Variants in CNTNAP2 observed in about 807,000 individuals in gnomAD.
CNTNAP2 encodes contactin associated protein 2.
A neutral mutation model predicts 155.2 loss-of-function variants in CNTNAP2; 98 were observed. The ratio of observed to expected loss-of-function variants is 0.63; its 90% CI spans 0.54 to 0.75. The LOEUF (loss-of-function observed/expected upper bound fraction) is 0.75, where lower values mean the gene tolerates loss of function less well. CNTNAP2 is among the 30% of genes least tolerant of loss of function. The pLI is 0.00. For missense variants in CNTNAP2, 1,727 were observed against 1,688.1 expected, an observed-to-expected ratio of 1.02 and a Z score of -0.40; for synonymous variants, 651 against 631.2, an observed-to-expected ratio of 1.03 and a Z score of -0.47.
chr7:146,393,488 G>A (rs1584903965), intron 1 of CNTNAP2, among the ~76,000 whole-genome samples: 1 of 152,052 alleles, frequency 6.6e-6, no homozygotes, highest in Non-Finnish European at 1.5e-5. Context: ...CAATCAGTGG[G>A]GATGAATTAT....
At chr7:148,217,586 A>G in intron 19 of CNTNAP2, 62 bp downstream of exon 19, 1 of 1,524,824 alleles carries the variant, frequency 6.6e-7, no homozygotes, top group Non-Finnish European at 9.1e-7. Context: ...TGTTCTAGCA[A>G]GAGTCTATAG....
chr7:146,243,911 A>C (rs1251075364), intron 1 of CNTNAP2, among the ~76,000 whole-genome samples: 1 of 152,126 alleles, frequency 6.6e-6, no homozygotes, highest in Non-Finnish European at 1.5e-5. Context: ...TGGAGAGATA[A>C]TGGGCGATGT....
intron 1 of CNTNAP2, among the ~76,000 whole-genome samples, chr7:146,245,903 G>A (rs1425901677): frequency 8.0e-6 from 1 of 125,628 alleles, no homozygotes; most frequent in African/African-American, 5.4e-5. Context: ...GTGGAGGGAG[G>A]TATTGAGGAT....
chr7:147,578,030 C>T (rs1289776050), intron 12 of CNTNAP2, among the ~76,000 whole-genome samples: 1 of 152,024 alleles, frequency 6.6e-6, no homozygotes, highest in Non-Finnish European at 1.5e-5. Context: ...TGAGTACTTC[C>T]TTCATTGTGG....
At chr7:147,194,723 T>C (rs1401403342) in intron 8 of CNTNAP2, among the ~76,000 whole-genome samples, 3 of 152,298 alleles carry the variant, frequency 2.0e-5, no homozygotes, top group African/African-American at 7.2e-5. Flanking sequence ...TAAATGTGTT[T>C]GAGAAGTGTC....
intron 1 of CNTNAP2, among the ~76,000 whole-genome samples, chr7:146,176,718 A>G (rs981254501): frequency 2.0e-5 from 3 of 152,322 alleles, no homozygotes; most frequent in Admixed American, 1.3e-4. Flanking sequence ...GGCCTCCGTG[A>G]ACCCGACATT....
chr7:148,030,159 G>A (rs1476998047), intron 15 of CNTNAP2, among the ~76,000 whole-genome samples: 1 of 152,168 alleles, frequency 6.6e-6, no homozygotes, highest in Non-Finnish European at 1.5e-5. Context: ...ATTACCAAGT[G>A]CTGCTGATCC....
chr7:146,803,101 C>T (rs540784906), intron 2 of CNTNAP2, among the ~76,000 whole-genome samples: 11 of 151,888 alleles, frequency 7.2e-5, no homozygotes, highest in South Asian at 2.1e-4. Flanking sequence ...GAATTGAGAG[C>T]GGGAGGTAAA....
chr7:147,396,718 T>C (rs564039118), intron 10 of CNTNAP2, among the ~76,000 whole-genome samples: 162 of 152,210 alleles, frequency 1.1e-3, no homozygotes, highest in African/African-American at 3.7e-3. Flanking sequence ...AAACAAATTA[T>C]ATATGATTTG....
At chr7:147,332,966 C>G (rs1052456543) in intron 9 of CNTNAP2, among the ~76,000 whole-genome samples, 1 of 151,964 alleles carries the variant, frequency 6.6e-6, no homozygotes, top group Non-Finnish European at 1.5e-5. Flanking sequence ...TAAAAACATG[C>G]AATTTTCATG....
chr7:146,153,467 G>A (rs939042792), intron 1 of CNTNAP2, among the ~76,000 whole-genome samples: 8 of 152,144 alleles, frequency 5.3e-5, no homozygotes, highest in African/African-American at 1.9e-4. Context: ...TGTAACAAAG[G>A]TGGAAAATCT....
At chr7:146,297,111 A>G (rs985581992) in intron 1 of CNTNAP2, among the ~76,000 whole-genome samples, 4 of 151,996 alleles carry the variant, frequency 2.6e-5, no homozygotes, top group African/African-American at 7.3e-5. Flanking sequence ...TGTTAATTCA[A>G]TTTTTTTCTT....
intron 15 of CNTNAP2, among the ~76,000 whole-genome samples, chr7:148,061,872 A>G (rs563164407): frequency 8.4e-6 from 1 of 119,732 alleles, no homozygotes; most frequent in African/African-American, 3.2e-5. Context: ...TAGATAGATA[A>G]ACAGATATAG....
At chr7:146,341,571 A>G (rs1794727905) in intron 1 of CNTNAP2, among the ~76,000 whole-genome samples, 1 of 152,152 alleles carries the variant, frequency 6.6e-6, no homozygotes, top group Non-Finnish European at 1.5e-5. Flanking sequence ...AAAACAATTT[A>G]ATCACACATA....
rs1202083769 is a variant in CNTNAP2, at chr7:146,910,839, A to C, written c.402+70935A>C. Reference sequence around the variant, plus strand: ...TTAAACTAAAGAGCTTCTGCACAGCAAAAGAAACTACCATCAGAGTGAACA... The same window carrying C: ...TTAAACTAAAGAGCTTCTGCACAGCCAAAGAAACTACCATCAGAGTGAACA... On this transcript the variant is annotated intron_variant, in intron 3 of 23. Transcript: ENST00000361727. 4.7e-5 allele frequency among the ~76,000 whole-genome samples: 7 copies of C among 150,000 alleles called. No individual in the cohort carries two copies. In the East Asian group the frequency reaches 1.4e-3, roughly 29 times the overall value.
intron 23 of CNTNAP2, among the ~76,000 whole-genome samples, chr7:148,412,117 A>AT (rs35124711): frequency 0.58 from 88,809 of 151,836 alleles, 26,668 homozygotes; most frequent in African/African-American, 0.67. Flanking sequence ...TAATTTTTGT[A>AT]TTTTAGTAGA....
intron 15 of CNTNAP2, among the ~76,000 whole-genome samples, chr7:148,079,944 G>A (rs1017422906): frequency 6.6e-6 from 1 of 152,160 alleles, no homozygotes; most frequent in African/African-American, 2.4e-5. Flanking sequence ...TGGCTGTGGG[G>A]CTTAAAATGT....
At chr7:146,655,564 C>A (rs1799983743) in intron 1 of CNTNAP2, among the ~76,000 whole-genome samples, 1 of 151,802 alleles carries the variant, frequency 6.6e-6, no homozygotes, top group African/African-American at 2.4e-5. Flanking sequence ...CTAAGGTGTA[C>A]TTCATTTTTG....
intron 21 of CNTNAP2, among the ~76,000 whole-genome samples, chr7:148,282,543 G>T (rs895599597): frequency 6.6e-6 from 1 of 152,162 alleles, no homozygotes; most frequent in African/African-American, 2.4e-5. Context: ...TGAGTGTCCA[G>T]TACGTCTTAG....
Sources: allele counts gnomAD v4.1 joint callset (sites outside exome capture counted in the v4.1 genomes callset), GRCh38; gene constraint gnomAD v4.1.1; transcripts MANE v1.5; gene names NCBI Gene and HGNC (gene_info 2026-07-23, HGNC 2026-07-21).